Variants in KATNIP observed in about 807,000 individuals in gnomAD.
KATNIP encodes katanin-interacting protein.
In KATNIP, 126 loss-of-function variants were observed where a neutral mutation model predicts 174.0. The ratio of observed to expected loss-of-function variants is 0.72; its 90% CI spans 0.63 to 0.84. The LOEUF (loss-of-function observed/expected upper bound fraction) is 0.84. Ranked by LOEUF, KATNIP falls within the 40% of genes least tolerant of loss-of-function variation. The pLI is 0.00. For synonymous variants in KATNIP, 810 were observed against 835.7 expected, an observed-to-expected ratio of 0.97 and a Z score of 0.53; for missense variants, 1,958 against 2,109.7, an observed-to-expected ratio of 0.93 and a Z score of 1.41.
chr16:27,754,117 G>A, intron 17 of KATNIP, 56 bp from the exon 18 acceptor site: 1 of 1,419,496 alleles, frequency 7.0e-7, no homozygotes, highest in Non-Finnish European at 1.0e-6. Flanking sequence ...CCAGCTAGCT[G>A]TGTGGGTATC....
At chr16:27,678,118 G>T in intron 7 of KATNIP, 122 bp downstream of exon 7, 1 of 1,118,086 alleles carries the variant, frequency 8.9e-7, no homozygotes, top group Non-Finnish European at 1.3e-6. Context: ...GGCCAGGGAG[G>T]TATATCAGTC....
At chr16:27,731,624 CT>C (rs60258468) in intron 14 of KATNIP, among the ~76,000 whole-genome samples, 222 of 143,648 alleles carry the variant, frequency 1.5e-3, no homozygotes, top group Admixed American at 1.5e-3. Flanking sequence ...TTTTTCTTTT[CT>C]TTTTTTTTTT....
rs76075175 is a variant in KATNIP at position 27,769,940 on chromosome 16, A to G, written c.4055A>G (p.Asn1352Ser). ...TTTCTCATCCGGAAGGGGCCAGGCA[A>G]CTGCCACTTTGATTTTGCTCAAGAA... ...EGFLIRKGPGNCHFDFAQEIL... is the reference protein window; with the variant it reads ...EGFLIRKGPGSCHFDFAQEIL... The change falls in exon 21 of 28, where the codon AAC becomes AGC. Residue 1352 changes from asparagine (N) to serine (S), a missense_variant. Asn to Ser is a conservative substitution (Grantham distance 46). Around this residue, in one of 3 missense-constraint regions of KATNIP, gnomAD observed 383 missense variants for 456.0 expected, o/e 0.84. Coordinates refer to ENST00000261588, the MANE Select transcript of KATNIP (RefSeq NM_015202.5). The G allele has an allele frequency of 2.5e-6, 4 of 1,614,114 alleles. No homozygotes were observed. In the African/African-American group the frequency reaches 4.0e-5, roughly 16 times the overall value.
intron 2 of KATNIP, among the ~76,000 whole-genome samples, chr16:27,609,059 C>T (rs1319308527): frequency 6.6e-6 from 1 of 152,070 alleles, no homozygotes; most frequent in African/African-American, 2.4e-5. Flanking sequence ...GCTTGGAATG[C>T]CCTTCCCTTT....
chr16:27,633,313 C>A (rs1464080493), intron 5 of KATNIP, among the ~76,000 whole-genome samples: 1 of 151,838 alleles, frequency 6.6e-6, no homozygotes, highest in South Asian at 2.1e-4. Context: ...GCCCCACCCC[C>A]GGAGATTCTG....
intron 6 of KATNIP, among the ~76,000 whole-genome samples, chr16:27,655,198 A>ATG (rs2077234108): frequency 2.9e-5 from 3 of 104,896 alleles, no homozygotes; most frequent in Non-Finnish European, 5.3e-5. Flanking sequence ...ATATATATAT[A>ATG]TATATATATA....
rs149090791 is a variant in KATNIP, at chr16:27,626,888, C to G, written c.141-1773C>G. ...TAGGAGAATCAGAATCGCTTGAACCCCAGGAGGTGGAGGTTGCAGTGAGCC... is the reference window on the plus strand; with the variant it reads ...TAGGAGAATCAGAATCGCTTGAACCGCAGGAGGTGGAGGTTGCAGTGAGCC... On this transcript the variant is annotated intron_variant, in intron 3 of 27. Transcript: ENST00000261588. Among the ~76,000 whole-genome samples, 638 of 151,978 alleles carry G rather than the reference C, an allele frequency of 4.2e-3. 2 individuals are homozygous for G. The highest frequency in any genetic ancestry group is 0.015 in the African/African-American group (602 of 41,434).
chr16:27,762,832 TC>T (rs1227475633), intron 19 of KATNIP, among the ~76,000 whole-genome samples: 1 of 152,182 alleles, frequency 6.6e-6, no homozygotes, highest in Non-Finnish European at 1.5e-5. Context: ...GAGACCTGGC[TC>T]CCAGTCAGCT....
chr16:27,713,842 A>C (rs1326458182), intron 13 of KATNIP, among the ~76,000 whole-genome samples: 26 of 71,044 alleles, frequency 3.7e-4, no homozygotes, highest in African/African-American at 5.6e-4. Flanking sequence ...ATATATATAT[A>C]TATATATATA....
chr16:27,773,040 T>C, intron 22 of KATNIP, 59 bp from the exon 23 acceptor site: 1 of 935,038 alleles, frequency 1.1e-6, no homozygotes, highest in Admixed American at 2.5e-5. Flanking sequence ...TTTGCCATTG[T>C]TTTACTATAT....
At chr16:27,709,689 T>G (rs2079486626) in intron 13 of KATNIP, among the ~76,000 whole-genome samples, 1 of 152,112 alleles carries the variant, frequency 6.6e-6, no homozygotes, top group Non-Finnish European at 1.5e-5. Context: ...TTGGGCAAAG[T>G]TGGGGAGGAA....
intron 17 of KATNIP, among the ~76,000 whole-genome samples, 163 bp downstream of exon 17, chr16:27,752,087 A>T (rs1005016681): frequency 2.0e-5 from 3 of 152,064 alleles, no homozygotes; most frequent in African/African-American, 7.2e-5. Flanking sequence ...TCTATGTCAT[A>T]TTTCATTCTC....
At chr16:27,710,530 C>G (rs1445875045) in intron 13 of KATNIP, among the ~76,000 whole-genome samples, 1 of 152,142 alleles carries the variant, frequency 6.6e-6, no homozygotes, top group Non-Finnish European at 1.5e-5. Context: ...TCACAATTAT[C>G]TCCTCGGAGA....
At chr16:27,633,186 C>T (rs1431929997) in intron 5 of KATNIP, among the ~76,000 whole-genome samples, 1 of 152,032 alleles carries the variant, frequency 6.6e-6, no homozygotes, top group Non-Finnish European at 1.5e-5. Flanking sequence ...CTCTGGGGTC[C>T]CCTTGGCCAA....
At chr16:27,663,787 G>C (rs1262315036) in intron 6 of KATNIP, among the ~76,000 whole-genome samples, 1 of 151,702 alleles carries the variant, frequency 6.6e-6, no homozygotes, top group Non-Finnish European at 1.5e-5. Context: ...TATTAGTTTA[G>C]GGTGTTTTTT....
intron 3 of KATNIP, among the ~76,000 whole-genome samples, chr16:27,620,956 A>C (rs1175643812): frequency 1.3e-5 from 2 of 152,216 alleles, no homozygotes; most frequent in African/African-American, 4.8e-5. Context: ...CAGAAACTCA[A>C]AGTAAATGGA....
Position 27,661,993 on chromosome 16 carries a change from CATATATAT to C in KATNIP, c.540+13274_540+13281del, listed in dbSNP as rs56350763. Among the ~76,000 whole-genome samples, 27 of 5,498 alleles carry C rather than the reference CATATATAT, an allele frequency of 4.9e-3. 10 individuals carry two copies. The highest frequency in any genetic ancestry group is 0.016 in the African/African-American group (15 of 922). 3.6% of individuals were successfully genotyped at this position (5,498 alleles called of 152,430 possible). On this transcript the variant is annotated intron_variant, in intron 6 of 27. Transcript: ENST00000261588. The stretch of plus-strand genomic sequence containing the variant: ...ATATATATATATATATATACACATA[CATATATAT>C]ATATATATATATATACACATACATA...
At chr16:27,659,158 A>G (rs1384383487) in intron 6 of KATNIP, among the ~76,000 whole-genome samples, 1 of 152,204 alleles carries the variant, frequency 6.6e-6, no homozygotes, top group Non-Finnish European at 1.5e-5. Flanking sequence ...ACAAGGAAGT[A>G]TTCATATATT....
chr16:27,698,477 GA>G lies in KATNIP; in HGVS notation c.1091del (p.Glu364GlyfsTer72). The G allele has an allele frequency of 6.2e-7, 1 of 1,610,898 alleles. No homozygotes were observed. Among genetic ancestry groups the G allele is most frequent in the South Asian group, 1.1e-5 (1 of 90,652 alleles). The stretch of plus-strand genomic sequence containing the variant: ...GAGGGCGCTCCTCAGCAGAAAGGCC[GA>G]GCAGCCAGCCAGCCCACTGCAGGTG... ...LQRALLSRKA[E>X]QPASPLQDAE... On this transcript the variant is annotated frameshift_variant, in exon 9 of 28. Transcript: ENST00000261588. LOFTEE classifies it high-confidence loss of function.
Sources: allele counts gnomAD v4.1 joint callset (sites outside exome capture counted in the v4.1 genomes callset), GRCh38; gene constraint gnomAD v4.1.1; regional missense constraint gnomAD v4.1.1; transcripts MANE v1.5; gene names NCBI Gene and HGNC (gene_info 2026-07-23, HGNC 2026-07-21).